The following FER1L6 variants were observed in gnomAD, a reference collection of about 807,000 sequenced individuals.
FER1L6 encodes fer-1 like family member 6.
Under a neutral mutation model 219.2 loss-of-function variants are expected in FER1L6, and 177 were observed. The ratio of observed to expected loss-of-function variants is 0.81; its 90% CI spans 0.71 to 0.91. The LOEUF is 0.91. Among genes scored for constraint, FER1L6 ranks in the 40% least tolerant of loss-of-function variants. The pLI is 0.00. For missense variants in FER1L6, 2,153 were observed against 2,259.9 expected, an observed-to-expected ratio of 0.95 and a Z score of 0.96; for synonymous variants, 768 against 824.3, an observed-to-expected ratio of 0.93 and a Z score of 1.17.
At chr8:124,011,774 T>A (rs1039784022) in intron 14 of FER1L6, among the ~76,000 whole-genome samples, 3 of 152,140 alleles carry the variant, frequency 2.0e-5, no homozygotes, top group African/African-American at 7.2e-5. Context: ...CATGAGCCAT[T>A]GTGCCTGGCC....
intron 1 of FER1L6, among the ~76,000 whole-genome samples, chr8:123,884,671 A>G (rs1300067918): frequency 6.6e-6 from 1 of 152,120 alleles, no homozygotes; most frequent in African/African-American, 2.4e-5. Flanking sequence ...TAGAAAAGGG[A>G]CTATTTGCAA....
rs540282657 is a variant in FER1L6 at position 124,082,578 on chromosome 8, G to C, written c.4391+120G>C. 3.6e-6 allele frequency: 3 copies of C among 843,380 alleles called. No individual in the cohort carries two copies. The South Asian group carries it at 5.1e-5, about 14-fold the overall frequency. The allele number at this position is 843,380 out of a possible 1,614,324, so 52.2% of individuals were successfully genotyped here. On this transcript the variant is annotated intron_variant, in intron 33 of 40. Coordinates refer to ENST00000522917, the MANE Select transcript of FER1L6 (RefSeq NM_001039112.2). ...AGGCCAGACCAGGCTCAGCTTTAAC[G>C]TCTCAAATGGGCTCCACATCAGCAG...
chr8:123,940,246 T>A (rs1814180766), intron 1 of FER1L6, among the ~76,000 whole-genome samples: 2 of 152,062 alleles, frequency 1.3e-5, no homozygotes, highest in Non-Finnish European at 2.9e-5. Flanking sequence ...AGGGTGGTGG[T>A]GGATTTGTAT....
intron 9 of FER1L6, 121 bp downstream of exon 9, chr8:123,976,205 A>T (rs1816065558): frequency 2.3e-6 from 2 of 863,306 alleles, no homozygotes; most frequent in African/African-American, 1.7e-5. Flanking sequence ...AAAGCTTGTT[A>T]CAAAAAGGCA....
intron 28 of FER1L6, among the ~76,000 whole-genome samples, 191 bp from the exon 29 acceptor site, chr8:124,069,169 C>T (rs1217049414): frequency 3.9e-5 from 6 of 152,084 alleles, no homozygotes; most frequent in Non-Finnish European, 8.8e-5. Context: ...ATCTCCTGAC[C>T]TTGTGATCTG....
At chr8:124,028,396 C>T (rs1306670454) in intron 18 of FER1L6, among the ~76,000 whole-genome samples, 1 of 152,138 alleles carries the variant, frequency 6.6e-6, no homozygotes, top group Non-Finnish European at 1.5e-5. Context: ...TCCCCTCTCA[C>T]CCACCATCTC....
intron 1 of FER1L6, among the ~76,000 whole-genome samples, chr8:123,924,307 G>A (rs1319450948): frequency 6.6e-6 from 1 of 151,764 alleles, no homozygotes; most frequent in Non-Finnish European, 1.5e-5. Context: ...CCCTTTGGGA[G>A]GCTGAGGTGG....
rs770573797 is a variant in FER1L6 at position 124,013,459 on chromosome 8, T to A, written c.1850T>A (p.Leu617Ter). Residue 617 changes from leucine to a stop codon, truncating the protein, a stop_gained, in exon 15 of 41, where the codon TTG (leucine) becomes TAG (stop). Transcript: ENST00000522917. LOFTEE classifies it high-confidence loss of function. ...GAAAGTATAGAAGAAGTGAGAGAAT[T>A]GATCAAGATTTCACAGGAGGCACCT... is the stretch of plus-strand genomic sequence containing the variant. ...LEESIEEVRELIKISQEAPEE... is the reference protein window; with the variant it reads ...LEESIEEVRE The A allele has an allele frequency of 5.0e-6, 8 of 1,609,576 alleles. No individual in the cohort carries two copies. In the South Asian group the frequency reaches 8.9e-5, roughly 18 times the overall value.
At chr8:123,987,144 G>A (rs1322803567) in intron 12 of FER1L6, among the ~76,000 whole-genome samples, 1 of 152,186 alleles carries the variant, frequency 6.6e-6, no homozygotes, top group Non-Finnish European at 1.5e-5. Context: ...AACAGTGTAT[G>A]AGGGTTCGCT....
In FER1L6 at chr8:124,023,513, A is replaced by C; in HGVS notation, c.2203A>C (p.Ile735Leu). 3 of 1,614,176 alleles carry C rather than the reference A, an allele frequency of 1.9e-6. No homozygotes were observed. Among genetic ancestry groups the C allele is most frequent in the Non-Finnish European group, 2.5e-6 (3 of 1,180,020 alleles). Residue 735 changes from isoleucine to leucine, a missense_variant, in exon 18 of 41, where the codon ATC becomes CTC. Physicochemically the swap from Ile to Leu is conservative, Grantham distance 5. Transcript: ENST00000522917. Reference protein sequence around the residue: ...SNNRRVAYARIASKDLLYSPV... With the variant: ...SNNRRVAYARLASKDLLYSPV... ...CAACAGGAGAGTGGCCTATGCCCGC[A>C]TCGCCTCCAAAGACCTCCTCTATTC...
chr8:123,986,628 T>C (rs1435532074), intron 12 of FER1L6, among the ~76,000 whole-genome samples: 1 of 152,166 alleles, frequency 6.6e-6, no homozygotes, highest in Non-Finnish European at 1.5e-5. Flanking sequence ...TCTATTTTTG[T>C]ACCCATTAAC....
chr8:124,025,022 T>C (rs2130651909), intron 18 of FER1L6, among the ~76,000 whole-genome samples: 1 of 152,214 alleles, frequency 6.6e-6, no homozygotes, highest in South Asian at 2.1e-4. Flanking sequence ...AGGTGTCTAT[T>C]CATGTCTTTT....
intron 1 of FER1L6, among the ~76,000 whole-genome samples, chr8:123,922,512 C>T (rs1450198563): frequency 6.6e-6 from 1 of 152,088 alleles, no homozygotes; most frequent in African/African-American, 2.4e-5. Context: ...TGTGCAGGGC[C>T]CCAGCAGCCC....
chr8:123,965,265 A>C (rs1815486080), intron 3 of FER1L6, among the ~76,000 whole-genome samples: 1 of 152,228 alleles, frequency 6.6e-6, no homozygotes, highest in African/African-American at 2.4e-5. Context: ...ACTCAATTAT[A>C]ATCAGCAGAA....
At chr8:123,937,740 A>G (rs1183240241) in intron 1 of FER1L6, among the ~76,000 whole-genome samples, 1 of 152,222 alleles carries the variant, frequency 6.6e-6, no homozygotes, top group African/African-American at 2.4e-5. Flanking sequence ...TTTTCAACAA[A>G]TATTTAAATA....
chr8:123,976,149 T>C (rs898194675), intron 9 of FER1L6, 65 bp downstream of exon 9: 12 of 1,240,330 alleles, frequency 9.7e-6, no homozygotes, highest in Non-Finnish European at 1.2e-5. Flanking sequence ...CCAAGATATG[T>C]TTAATCAAAT....
At chr8:123,968,593 G>A (rs1258973611) in intron 5 of FER1L6, among the ~76,000 whole-genome samples, 1 of 152,208 alleles carries the variant, frequency 6.6e-6, no homozygotes, top group Non-Finnish European at 1.5e-5. Context: ...AATGAAGAAT[G>A]TTGTGTAAGT....
chr8:123,976,515 A>C (rs2130303708), intron 9 of FER1L6, among the ~76,000 whole-genome samples: 1 of 152,214 alleles, frequency 6.6e-6, no homozygotes, highest in Non-Finnish European at 1.5e-5. Flanking sequence ...TCTTTAAAAA[A>C]AAAAAAAAGA....
intron 12 of FER1L6, among the ~76,000 whole-genome samples, chr8:124,000,057 A>T (rs996282547): frequency 6.6e-6 from 1 of 152,156 alleles, no homozygotes; most frequent in African/African-American, 2.4e-5. Flanking sequence ...GGAACTTAGG[A>T]TGGATGATTT....
Sources: gnomAD v4.1 joint callset for allele counts (sites outside exome capture counted in the v4.1 genomes callset) on GRCh38, gnomAD v4.1.1 for gene constraint, MANE v1.5 for transcripts, NCBI Gene and HGNC (gene_info 2026-07-23, HGNC 2026-07-21) for gene names.